The following EXOC4 variants were observed in gnomAD, a reference collection of about 807,000 sequenced individuals.
EXOC4 encodes SEC8-like 1.
EXOC4 carries 71 observed loss-of-function variants against 107.2 expected under a neutral mutation model. The observed-to-expected ratio is 0.66, with a 90% CI of 0.55 to 0.81. EXOC4 has a LOEUF of 0.81. Among genes scored for constraint, EXOC4 ranks in the 30% least tolerant of loss-of-function variants. The pLI, the probability that EXOC4 is intolerant of heterozygous loss-of-function variation, is 0.00. For synonymous variants in EXOC4, 456 were observed against 441.2 expected (o/e 1.03, Z -0.42); for missense variants, 1,108 against 1,189.6 (o/e 0.93, Z 1.01).
intron 17 of EXOC4, among the ~76,000 whole-genome samples, chr7:134,044,057 T>A (rs1314270778): frequency 2.0e-5 from 3 of 152,160 alleles, no homozygotes; most frequent in African/African-American, 7.2e-5. Flanking sequence ...CCTAACTCTA[T>A]TTCTGACTCA....
At chr7:133,648,601 GAAGACAATTCTGACTTAA>G (rs987332839) in intron 10 of EXOC4, among the ~76,000 whole-genome samples, 3 of 152,136 alleles carry the variant, frequency 2.0e-5, no homozygotes. Flanking sequence ...AAAAGGGGAG[GAAGACAATTCTGACTTAA>G]AAGACTGTTT....
chr7:133,454,095 A>G (rs182896966), intron 7 of EXOC4, among the ~76,000 whole-genome samples: 42 of 152,328 alleles, frequency 2.8e-4, no homozygotes, highest in Admixed American at 1.8e-3. Flanking sequence ...TCAATCTTAA[A>G]GAAAATTAAA....
At chr7:134,033,168 C>T (rs1195986645) in intron 17 of EXOC4, among the ~76,000 whole-genome samples, 1 of 151,910 alleles carries the variant, frequency 6.6e-6, no homozygotes, top group Non-Finnish European at 1.5e-5. Flanking sequence ...GTTCCATGTT[C>T]ATAATCAGCA....
At chr7:133,448,305 C>CT (rs956218334) in intron 7 of EXOC4, among the ~76,000 whole-genome samples, 29 of 148,638 alleles carry the variant, frequency 2.0e-4, no homozygotes, top group East Asian at 7.9e-4. Context: ...CTTCATATGT[C>CT]TTTTTTTTTT....
chr7:133,496,117 A>G (rs1301225965), intron 9 of EXOC4, among the ~76,000 whole-genome samples: 3 of 151,996 alleles, frequency 2.0e-5, no homozygotes, highest in Non-Finnish European at 4.4e-5. Flanking sequence ...CTATCTGCCA[A>G]TTTACTGATT....
intron 11 of EXOC4, among the ~76,000 whole-genome samples, chr7:133,857,188 A>ACACATACACG (rs1337085114): frequency 7.3e-5 from 2 of 27,224 alleles, no homozygotes; most frequent in African/African-American, 3.2e-4. Flanking sequence ...ATATATATAT[A>ACACATACACG]TATATATATA....
At chr7:133,338,258 A>G (rs1439010112) in intron 5 of EXOC4, among the ~76,000 whole-genome samples, 2 of 152,030 alleles carry the variant, frequency 1.3e-5, no homozygotes, top group Non-Finnish European at 2.9e-5. Context: ...TATACCTCAT[A>G]TACACTAATA....
At chr7:133,645,859 A>G (rs141320777) in intron 10 of EXOC4, among the ~76,000 whole-genome samples, 77 of 152,330 alleles carry the variant, frequency 5.1e-4, no homozygotes, top group Non-Finnish European at 9.0e-4. Flanking sequence ...AAAGAGGACT[A>G]GTTTTTATTT....
At chr7:134,014,406 A>G (rs1040834945) in intron 17 of EXOC4, among the ~76,000 whole-genome samples, 1 of 152,242 alleles carries the variant, frequency 6.6e-6, no homozygotes, top group African/African-American at 2.4e-5. Flanking sequence ...CCGTCTCAAA[A>G]AAAAAGTACA....
Position 133,306,037 on chromosome 7 carries a change from G to T in EXOC4, c.632G>T (p.Arg211Leu), listed in dbSNP as rs140653799. Residue 211 changes from arginine (R) to leucine (L), a missense_variant, in exon 4 of 18, where the codon CGT (arginine) becomes CTT (leucine). Arg to Leu is a moderately radical substitution (Grantham distance 102). Coordinates refer to ENST00000253861, the MANE Select transcript of EXOC4 (RefSeq NM_021807.4). Reference sequence around the variant, plus strand: ...AAATCGACTAGCCGAGTTGTGCAGCGTAACAAGGAAAAAGGGAAAATCAGG... The same window carrying T: ...AAATCGACTAGCCGAGTTGTGCAGCTTAACAAGGAAAAAGGGAAAATCAGG... ...YIKSTSRVVQRNKEKGKISSL... is the reference protein window; with the variant it reads ...YIKSTSRVVQLNKEKGKISSL... 6 of 1,611,804 alleles carry T rather than the reference G, an allele frequency of 3.7e-6. No individual in the cohort carries two copies. The highest frequency in any genetic ancestry group is 2.2e-5 in the East Asian group (1 of 44,754).
At chr7:133,988,143 A>G (rs1184942617) in intron 14 of EXOC4, among the ~76,000 whole-genome samples, 2 of 152,224 alleles carry the variant, frequency 1.3e-5, no homozygotes, top group African/African-American at 4.8e-5. Flanking sequence ...AGCAAAGTGC[A>G]CTGACAACTC....
At chr7:133,985,035 A>G (rs1022974673) in intron 14 of EXOC4, among the ~76,000 whole-genome samples, 8 of 152,204 alleles carry the variant, frequency 5.3e-5, no homozygotes, top group African/African-American at 1.9e-4. Context: ...GCGAATGTTG[A>G]GACATCTAAG....
chr7:133,480,019 G>T lies in EXOC4; in HGVS notation c.1329-31G>T, dbSNP rs761418536. The T allele has an allele frequency of 2.5e-6, 4 of 1,587,358 alleles. 1 individual carries two copies. The South Asian group carries it at 4.4e-5, about 18-fold the overall frequency. On this transcript the variant is annotated intron_variant, in intron 8 of 17. Coordinates refer to ENST00000253861, the MANE Select transcript of EXOC4 (RefSeq NM_021807.4). ...GTCAGCACTTAATTGGTTTACACCT[G>T]CTTGTCTGTTTCCCCTGTGTTTCTC... is the stretch of plus-strand genomic sequence containing the variant.
At chr7:133,679,877 G>C (rs948576443) in intron 10 of EXOC4, among the ~76,000 whole-genome samples, 5 of 152,170 alleles carry the variant, frequency 3.3e-5, no homozygotes, top group Admixed American at 3.3e-4. Flanking sequence ...TTAATTATGA[G>C]AGTAAGTGGA....
intron 7 of EXOC4, among the ~76,000 whole-genome samples, chr7:133,426,468 A>G (rs999575879): frequency 4.6e-5 from 7 of 152,244 alleles, no homozygotes; most frequent in African/African-American, 1.4e-4. Context: ...TAACTTGCTC[A>G]TGAAGTGTGG....
Position 133,610,281 on chromosome 7 carries a change from A to G in EXOC4, c.1418-19764A>G, listed in dbSNP as rs574076306. Among the ~76,000 whole-genome samples the G allele has an allele frequency of 8.5e-5, 13 of 152,320 alleles. No homozygotes were observed. The South Asian group carries it at 2.3e-3, about 27-fold the overall frequency. On this transcript the variant is annotated intron_variant, in intron 9 of 17. Coordinates refer to ENST00000253861, the MANE Select transcript of EXOC4 (RefSeq NM_021807.4). ...CTCACTGTTGGAATTGATTCTTAACATTCTAATCAATGCTTTAAATCTCCT... is the reference window on the plus strand; with the variant it reads ...CTCACTGTTGGAATTGATTCTTAACGTTCTAATCAATGCTTTAAATCTCCT...
chr7:133,880,138 C>A (rs143072701), intron 11 of EXOC4, among the ~76,000 whole-genome samples: 20 of 152,286 alleles, frequency 1.3e-4, no homozygotes, highest in African/African-American at 4.8e-4. Flanking sequence ...CAGGCTCCCC[C>A]ACCTTTTTAT....
chr7:134,036,913 A>G (rs1363005552), intron 17 of EXOC4, among the ~76,000 whole-genome samples: 1 of 152,100 alleles, frequency 6.6e-6, no homozygotes, highest in East Asian at 1.9e-4. Flanking sequence ...ATTTCTTTAC[A>G]CTTTAGGGTG....
Position 133,464,811 on chromosome 7 carries a change from G to GTTTTTTTTTTTT in EXOC4, c.1183-10503_1183-10492dup, listed in dbSNP as rs3046149. On this transcript the variant is annotated intron_variant, in intron 7 of 17. Coordinates refer to ENST00000253861, the MANE Select transcript of EXOC4 (RefSeq NM_021807.4). Reference sequence around the variant, plus strand: ...TTTTTTTTTTTTGTTGGTTGGGTTGGTTTTTTTTTTTTTTTTTTTTTTTTT... The same window carrying GTTTTTTTTTTTT: ...TTTTTTTTTTTTGTTGGTTGGGTTGGTTTTTTTTTTTTTTTTTTTTTTTTTTTTTTTTTTTTT... Among the ~76,000 whole-genome samples, 25 of 51,292 alleles carry GTTTTTTTTTTTT rather than the reference G, an allele frequency of 4.9e-4. 5 individuals carry two copies. Among genetic ancestry groups the GTTTTTTTTTTTT allele is most frequent in the South Asian group, 9.2e-4 (1 of 1,088 alleles). The allele number at this position is 51,292 out of a possible 152,430, so 33.6% of individuals were successfully genotyped here.
Sources: gnomAD v4.1 joint callset for allele counts (sites outside exome capture counted in the v4.1 genomes callset) on GRCh38, gnomAD v4.1.1 for gene constraint, MANE v1.5 for transcripts, NCBI Gene and HGNC (gene_info 2026-07-23, HGNC 2026-07-21) for gene names.